The following TRAPPC9 variants were observed in gnomAD, a reference collection of about 807,000 sequenced individuals.
TRAPPC9 encodes IKK2 binding protein.
A neutral mutation model predicts 124.0 loss-of-function variants in TRAPPC9; 83 were observed. That is an observed-to-expected ratio of 0.67 (90% CI 0.56 to 0.80). The LOEUF is 0.80. TRAPPC9 is among the 30% of genes least tolerant of loss of function. The probability of loss-of-function intolerance (pLI) is 0.00; values close to 1 mark genes in which losing one functional copy is unlikely to be tolerated. For missense variants in TRAPPC9, 1,302 were observed against 1,508.3 expected, an observed-to-expected ratio of 0.86 and a Z score of 2.27; for synonymous variants, 638 against 617.5, an observed-to-expected ratio of 1.03 and a Z score of -0.49.
intron 17 of TRAPPC9, among the ~76,000 whole-genome samples, chr8:140,212,413 A>T (rs887861930): frequency 3.9e-5 from 6 of 152,210 alleles, no homozygotes; most frequent in African/African-American, 1.4e-4. Context: ...TTCTCATGTT[A>T]AGCTAACCTT....
At chr8:140,135,184 C>A (rs1278498947) in intron 17 of TRAPPC9, among the ~76,000 whole-genome samples, 4 of 152,092 alleles carry the variant, frequency 2.6e-5, no homozygotes, top group Non-Finnish European at 5.9e-5. Flanking sequence ...GGGGGGATGT[C>A]GAGAAATTGA....
In TRAPPC9 at chr8:139,729,088, G is replaced by A. The variant is rs961383382; in HGVS notation, c.*1973C>T. 1.3e-5 allele frequency among the ~76,000 whole-genome samples: 2 copies of A among 152,162 alleles called. No homozygotes were observed. The highest frequency in any genetic ancestry group is 1.5e-5 in the Non-Finnish European group (1 of 68,038). On this transcript the variant is annotated 3_prime_UTR_variant, in exon 23 of 23. Coordinates refer to ENST00000438773, the MANE Select transcript of TRAPPC9 (RefSeq NM_001160372.4). ...TATTGTGCTTTTGAAAGGAAAGTAC[G>A]TACTCAAGTCCCCGGTGACCAGCAC...
intron 20 of TRAPPC9, among the ~76,000 whole-genome samples, chr8:139,889,674 A>G (rs147123636): frequency 1.1e-3 from 163 of 152,338 alleles, no homozygotes; most frequent in African/African-American, 3.7e-3. Flanking sequence ...GAAGGAGGCT[A>G]TAATTAGGAA....
At chr8:139,981,538 C>T (rs1836897729) in intron 19 of TRAPPC9, among the ~76,000 whole-genome samples, 1 of 152,202 alleles carries the variant, frequency 6.6e-6, no homozygotes, top group African/African-American at 2.4e-5. Context: ...AGACTGGGCG[C>T]CACACGGTTA....
chr8:139,765,450 CAGA>C (rs1399981653), intron 21 of TRAPPC9, among the ~76,000 whole-genome samples: 3 of 152,206 alleles, frequency 2.0e-5, no homozygotes, highest in African/African-American at 7.2e-5. Flanking sequence ...TCTGAGGCTC[CAGA>C]AGGTTAGTAG....
At chr8:140,190,807 T>C (rs972177531) in intron 17 of TRAPPC9, among the ~76,000 whole-genome samples, 1 of 152,236 alleles carries the variant, frequency 6.6e-6, no homozygotes, top group African/African-American at 2.4e-5. Flanking sequence ...CCAAGTTTCA[T>C]TGCCCAGCCT....
At chr8:140,083,530 T>C (rs1843982244) in intron 17 of TRAPPC9, among the ~76,000 whole-genome samples, 2 of 151,888 alleles carry the variant, frequency 1.3e-5, no homozygotes, top group African/African-American at 4.8e-5. Flanking sequence ...AGGACGGAAA[T>C]CTCAGCACCA....
intron 21 of TRAPPC9, among the ~76,000 whole-genome samples, chr8:139,754,906 C>T (rs774285500): frequency 6.6e-6 from 1 of 152,242 alleles, no homozygotes; most frequent in Non-Finnish European, 1.5e-5. Context: ...GTCAAACGGG[C>T]AAAACGTACT....
chr8:139,851,647 C>G (rs775820754), intron 21 of TRAPPC9, among the ~76,000 whole-genome samples: 56 of 152,254 alleles, frequency 3.7e-4, no homozygotes, highest in Non-Finnish European at 7.8e-4. Flanking sequence ...GCCGGAAAAC[C>G]GAACCCAACG....
chr8:140,381,563 G>T (rs1386919208), intron 7 of TRAPPC9, among the ~76,000 whole-genome samples: 1 of 150,748 alleles, frequency 6.6e-6, no homozygotes. Flanking sequence ...AGCTACTCAG[G>T]AGGCTGAGGC....
rs928228874 is a variant in TRAPPC9 at position 139,731,002 on chromosome 8, T to C, written c.*59A>G. 9.4e-5 allele frequency: 149 copies of C among 1,589,154 alleles called. 1 individual carries two copies. The South Asian group carries it at 1.6e-3, about 17-fold the overall frequency. ...AAGGCCTTGCTCATTGCAGGGGGTG[T>C]GGGAGGCCAGGCAGGGTCACCTCTG... On this transcript the variant is annotated 3_prime_UTR_variant, in exon 23 of 23. Transcript: ENST00000438773.
At chr8:140,392,875 G>A (rs928962304) in intron 7 of TRAPPC9, among the ~76,000 whole-genome samples, 4 of 152,138 alleles carry the variant, frequency 2.6e-5, no homozygotes, top group African/African-American at 9.7e-5. Context: ...GGAGCTGCCT[G>A]CATCCCTTTG....
At chr8:140,014,841 A>G (rs2131868496) in intron 18 of TRAPPC9, among the ~76,000 whole-genome samples, 2 of 152,314 alleles carry the variant, frequency 1.3e-5, no homozygotes, top group East Asian at 3.9e-4. Context: ...GGTTCTCGGG[A>G]GTGTGCATGG....
intron 17 of TRAPPC9, among the ~76,000 whole-genome samples, chr8:140,029,365 C>T (rs1840357234): frequency 6.6e-6 from 1 of 152,148 alleles, no homozygotes; most frequent in South Asian, 2.1e-4. Context: ...ATTAGCTGAG[C>T]TTAGTGGCGC....
At chr8:139,938,892 G>A (rs941029926) in intron 19 of TRAPPC9, among the ~76,000 whole-genome samples, 18 of 151,986 alleles carry the variant, frequency 1.2e-4, no homozygotes, top group Non-Finnish European at 1.8e-4. Flanking sequence ...TGATCCACCC[G>A]CCTCGGCCTC....
chr8:140,284,096 A>G, intron 13 of TRAPPC9, 75 bp from the exon 14 acceptor site: 1 of 1,594,750 alleles, frequency 6.3e-7, no homozygotes, highest in African/African-American at 1.3e-5. Flanking sequence ...AGCAGTGCGA[A>G]GAGTACGGGG....
intron 21 of TRAPPC9, among the ~76,000 whole-genome samples, chr8:139,823,930 A>G (rs1038334503): frequency 1.3e-5 from 2 of 152,130 alleles, no homozygotes. Flanking sequence ...TTGGAGAGAG[A>G]GTTGAAAGGT....
chr8:139,779,606 T>C (rs1190981055), intron 21 of TRAPPC9, among the ~76,000 whole-genome samples: 2 of 152,224 alleles, frequency 1.3e-5, no homozygotes, highest in Admixed American at 6.5e-5. Flanking sequence ...TCTTACAGTA[T>C]ACACGAAGAT....
intron 21 of TRAPPC9, among the ~76,000 whole-genome samples, chr8:139,863,177 C>T (rs370637757): frequency 7.9e-5 from 12 of 152,386 alleles, no homozygotes; most frequent in African/African-American, 2.9e-4. Flanking sequence ...ACGGACTTTG[C>T]AGCCCCTCTC....
Sources: gnomAD v4.1 joint callset for allele counts (sites outside exome capture counted in the v4.1 genomes callset) on GRCh38, gnomAD v4.1.1 for gene constraint, MANE v1.5 for transcripts, NCBI Gene and HGNC (gene_info 2026-07-23, HGNC 2026-07-21) for gene names.